The following OARD1 variants were observed in gnomAD, a reference collection of about 807,000 sequenced individuals.
The protein encoded by OARD1 is O-acyl-ADP-ribose deacylase 1.
In OARD1, 19 loss-of-function variants were observed where a neutral mutation model predicts 19.7. That is an observed-to-expected ratio of 0.96 (90% CI 0.67 to 1.41). The LOEUF (loss-of-function observed/expected upper bound fraction) is 1.41. Among genes scored for constraint, OARD1 ranks in the 40% most tolerant of loss-of-function variants. OARD1 has a pLI of 0.00. For missense variants in OARD1, 190 were observed against 183.8 expected (o/e 1.03, Z -0.20); for synonymous variants, 70 against 61.8 (o/e 1.13, Z -0.62).
intron 1 of OARD1, chr6:41,092,896 T>G: frequency 6.2e-7 from 1 of 1,609,548 alleles, no homozygotes; most frequent in Non-Finnish European, 8.5e-7. Flanking sequence ...TAAGCTCTGG[T>G]TTCCTGTTCA....
At chr6:41,078,041 A>G (rs1763789581) in intron 1 of OARD1, among the ~76,000 whole-genome samples, 1 of 151,996 alleles carries the variant, frequency 6.6e-6, no homozygotes, top group Non-Finnish European at 1.5e-5. Flanking sequence ...TCAAGTGTGC[A>G]GTGAAATCAA....
chr6:41,080,763 A>G, intron 1 of OARD1: 1 of 1,498,388 alleles, frequency 6.7e-7, no homozygotes. Context: ...CTTGAACTAC[A>G]CATTTCCTTC....
At chr6:41,094,198 T>TA (rs1262147289) in intron 1 of OARD1, among the ~76,000 whole-genome samples, 1 of 152,164 alleles carries the variant, frequency 6.6e-6, no homozygotes, top group Non-Finnish European at 1.5e-5. Flanking sequence ...TTCACAGTCT[T>TA]ACAGTAGTTA....
At chr6:41,080,701 A>G (rs1763881292) in intron 1 of OARD1, 2 of 828,700 alleles carry the variant, frequency 2.4e-6, no homozygotes, top group Non-Finnish European at 4.0e-6. Context: ...GTACATTTTG[A>G]AAGTCCTTCA....
intron 1 of OARD1, chr6:41,083,908 T>C (rs1046939262): frequency 1.3e-6 from 1 of 779,910 alleles, no homozygotes; most frequent in Non-Finnish European, 1.9e-6. Flanking sequence ...ACTTGAGGAC[T>C]TGAGACATAT....
At chr6:41,094,323 G>GA in intron 1 of OARD1, 1 of 1,286,548 alleles carries the variant, frequency 7.8e-7, no homozygotes, top group African/African-American at 1.5e-5. Flanking sequence ...TTGGAGAATG[G>GA]AATTTGTGCA....
chr6:41,083,095 A>G (rs549477626), intron 1 of OARD1, among the ~76,000 whole-genome samples: 14 of 152,364 alleles, frequency 9.2e-5, no homozygotes, highest in African/African-American at 2.6e-4. Flanking sequence ...TCAAAGATAG[A>G]GTCTGAAAAT....
chr6:41,081,579 A>G (rs1047029942), intron 1 of OARD1, among the ~76,000 whole-genome samples: 2 of 152,190 alleles, frequency 1.3e-5, no homozygotes, highest in African/African-American at 4.8e-5. Context: ...TACAATGGAG[A>G]AGGAAATATA....
At chr6:41,088,592 T>C (rs1192886672) in intron 1 of OARD1, among the ~76,000 whole-genome samples, 2 of 152,074 alleles carry the variant, frequency 1.3e-5, no homozygotes, top group Non-Finnish European at 2.9e-5. Flanking sequence ...TTTTCTTTGT[T>C]TGTTTTTTTG....
At chr6:41,093,954 A>C (rs1460939395) in intron 1 of OARD1, among the ~76,000 whole-genome samples, 1 of 152,204 alleles carries the variant, frequency 6.6e-6, no homozygotes, top group Non-Finnish European at 1.5e-5. Context: ...GAGGAATTCA[A>C]GGCTGCAGTG....
rs1216783674 is a variant in OARD1, at chr6:41,069,003, A to T, written c.244-50T>A. On this transcript the variant is annotated intron_variant, in intron 4 of 5. Transcript: ENST00000424266. ...CATCATCCCAAAATGATAGCCAAAG[A>T]AAAGTCATCACATTCCCCCAACATC... The T allele has an allele frequency of 5.1e-6, 5 of 972,468 alleles. No homozygotes were observed. In the African/African-American group the frequency reaches 8.2e-5, roughly 16 times the overall value. 60.2% of individuals were successfully genotyped at this position (972,468 alleles called of 1,614,324 possible). A position where few individuals can be genotyped will look rare whatever the true frequency, so the allele number is the denominator to read the frequency against.
intron 1 of OARD1, among the ~76,000 whole-genome samples, chr6:41,085,149 AT>A: frequency 6.6e-6 from 1 of 152,342 alleles, no homozygotes; most frequent in South Asian, 2.1e-4. Flanking sequence ...CTGTAGAGTT[AT>A]TTTGGAAAGG....
At chr6:41,070,273 T>C (rs1194154199) in intron 3 of OARD1, 139 bp from the exon 4 acceptor site, 6 of 622,992 alleles carry the variant, frequency 9.6e-6, no homozygotes, top group South Asian at 3.9e-5. Context: ...GGAAGACCTA[T>C]TGTCTCCCAC....
intron 1 of OARD1, chr6:41,097,306 TC>T: frequency 6.4e-7 from 1 of 1,565,610 alleles, no homozygotes; most frequent in Non-Finnish European, 8.8e-7. Context: ...AGCCATGAGT[TC>T]CTGTTGCTTT....
intron 1 of OARD1, among the ~76,000 whole-genome samples, chr6:41,079,466 C>G (rs1409824847): frequency 6.6e-6 from 1 of 152,180 alleles, no homozygotes; most frequent in Non-Finnish European, 1.5e-5. Flanking sequence ...GTCTTTTTCT[C>G]TTCTTGTTTG....
intron 1 of OARD1, chr6:41,097,343 A>C: frequency 6.2e-7 from 1 of 1,613,870 alleles, no homozygotes; most frequent in Non-Finnish European, 8.5e-7. Context: ...TCATCATGTC[A>C]TCTTTGTCTC....
At chr6:41,089,204 G>A (rs556341506) in intron 1 of OARD1, among the ~76,000 whole-genome samples, 5 of 152,074 alleles carry the variant, frequency 3.3e-5, no homozygotes, top group African/African-American at 7.2e-5. Context: ...GGCTGGTCTC[G>A]AACTCCTGAC....
At chr6:41,093,937 A>G (rs1314710543) in intron 1 of OARD1, among the ~76,000 whole-genome samples, 1 of 152,180 alleles carries the variant, frequency 6.6e-6, no homozygotes, top group Non-Finnish European at 1.5e-5. Context: ...GGAGGATCAC[A>G]TGAGCCGAGG....
rs982175867 is a variant in OARD1, at chr6:41,065,398, G to A, written c.*1937C>T. On this transcript the variant is annotated 3_prime_UTR_variant, in exon 6 of 6. Transcript: ENST00000424266. The stretch of plus-strand genomic sequence containing the variant: ...CACCCTTCAACTGAACTCAACTTAA[G>A]ATGGGGTTACCCAGACATAGACCTA... 1.3e-5 allele frequency: 2 copies of A among 152,170 alleles called. No homozygotes were observed. The highest frequency in any genetic ancestry group is 1.3e-4 in the Admixed American group (2 of 15,272). 9.4% of individuals were successfully genotyped at this position (152,170 alleles called of 1,614,324 possible).
Sources: gnomAD v4.1 joint callset for allele counts (sites outside exome capture counted in the v4.1 genomes callset) on GRCh38, gnomAD v4.1.1 for gene constraint, MANE v1.5 for transcripts, NCBI Gene and HGNC (gene_info 2026-07-23, HGNC 2026-07-21) for gene names.